CCDC178: variants seen among roughly 807,000 people sequenced by gnomAD.
The protein encoded by CCDC178 is coiled-coil domain containing 178.
Under a neutral mutation model 117.4 loss-of-function variants are expected in CCDC178, and 126 were observed. The observed-to-expected ratio is 1.07, with a 90% confidence interval of 0.93 to 1.24. The LOEUF is 1.24. CCDC178 is among the 50% of genes most tolerant of loss of function. CCDC178 has a pLI of 0.00. For missense variants in CCDC178, 1,030 were observed against 986.9 expected (o/e 1.04, Z -0.59); for synonymous variants, 283 against 313.4 (o/e 0.90, Z 1.02).
intron 20 of CCDC178, among the ~76,000 whole-genome samples, chr18:33,200,855 G>C (rs1425414357): frequency 6.6e-6 from 1 of 152,110 alleles, no homozygotes; most frequent in Non-Finnish European, 1.5e-5. Context: ...TTAAAAGCAG[G>C]TGTTGCCTTT....
intron 20 of CCDC178, among the ~76,000 whole-genome samples, chr18:33,107,163 T>C (rs562600506): frequency 2.0e-5 from 3 of 151,816 alleles, no homozygotes; most frequent in African/African-American, 7.2e-5. Context: ...TATAAATTCA[T>C]GCTGGTGTGT....
intron 2 of CCDC178, among the ~76,000 whole-genome samples, chr18:33,419,370 A>T (rs1488044901): frequency 2.0e-5 from 3 of 152,252 alleles, no homozygotes; most frequent in Non-Finnish European, 4.4e-5. Context: ...ACCATTCTGG[A>T]CATAGGCCCT....
chr18:33,170,914 G>GA (rs1057328164), intron 20 of CCDC178, among the ~76,000 whole-genome samples: 1 of 151,888 alleles, frequency 6.6e-6, no homozygotes, highest in Non-Finnish European at 1.5e-5. Flanking sequence ...TTATTTTCTA[G>GA]AAAAAAATAC....
intron 21 of CCDC178, among the ~76,000 whole-genome samples, chr18:33,027,799 C>A (rs1176951880): frequency 6.6e-6 from 1 of 151,488 alleles, no homozygotes; most frequent in Non-Finnish European, 1.5e-5. Context: ...GTTCTCTGAT[C>A]TCAGTGGAAT....
chr18:33,434,784 A>G (rs1300582977), intron 2 of CCDC178, among the ~76,000 whole-genome samples: 1 of 152,172 alleles, frequency 6.6e-6, no homozygotes, highest in African/African-American at 2.4e-5. Flanking sequence ...GATTCCCATC[A>G]TCATAAGATT....
At chr18:33,122,965 C>G (rs1433410929) in intron 20 of CCDC178, among the ~76,000 whole-genome samples, 1 of 152,088 alleles carries the variant, frequency 6.6e-6, no homozygotes, top group African/African-American at 2.4e-5. Context: ...ACAAGAAGCA[C>G]TAAGAACACA....
At chr18:33,266,876 G>A in intron 14 of CCDC178, 40 bp downstream of exon 14, 1 of 1,455,356 alleles carries the variant, frequency 6.9e-7, no homozygotes, top group South Asian at 1.3e-5. Flanking sequence ...TTAACATATT[G>A]GATTATGGTA....
intron 12 of CCDC178, among the ~76,000 whole-genome samples, chr18:33,290,951 A>T (rs1265845364): frequency 1.3e-5 from 2 of 152,168 alleles, no homozygotes; most frequent in African/African-American, 4.8e-5. Flanking sequence ...TTAATTTCTT[A>T]TTAATTATGC....
chr18:33,187,443 C>A (rs949370034), intron 20 of CCDC178, among the ~76,000 whole-genome samples: 2 of 152,080 alleles, frequency 1.3e-5, no homozygotes, highest in African/African-American at 4.8e-5. Flanking sequence ...TAATGTCAAT[C>A]CCCTTCAGAG....
At chr18:33,422,097 T>C (rs1443628725) in intron 2 of CCDC178, among the ~76,000 whole-genome samples, 1 of 152,230 alleles carries the variant, frequency 6.6e-6, no homozygotes, top group Non-Finnish European at 1.5e-5. Context: ...CTATTTGTGC[T>C]AGGGAGCTCA....
At chr18:33,402,432 T>C (rs2144865533) in intron 3 of CCDC178, among the ~76,000 whole-genome samples, 2 of 152,300 alleles carry the variant, frequency 1.3e-5, no homozygotes, top group East Asian at 3.9e-4. Flanking sequence ...GGTCCACATT[T>C]ACGATATCGG....
At chr18:33,417,354 T>C (rs2063958068) in intron 2 of CCDC178, among the ~76,000 whole-genome samples, 2 of 152,304 alleles carry the variant, frequency 1.3e-5, no homozygotes, top group Non-Finnish European at 2.9e-5. Context: ...GGATACATAT[T>C]GCATGATTCC....
chr18:32,958,251 T>C (rs1449697311), intron 22 of CCDC178: 5 of 513,370 alleles, frequency 9.7e-6, no homozygotes, highest in Admixed American at 3.4e-5. Flanking sequence ...TTAGTGATTA[T>C]ACTAAAATTA....
chr18:33,261,984 T>C (rs2059756377), intron 14 of CCDC178, among the ~76,000 whole-genome samples: 1 of 152,194 alleles, frequency 6.6e-6, no homozygotes, highest in Admixed American at 6.5e-5. Context: ...AGGTTTTCTC[T>C]TATATTTTCT....
chr18:33,249,075 G>A (rs2059585810), intron 14 of CCDC178, among the ~76,000 whole-genome samples: 1 of 152,128 alleles, frequency 6.6e-6, no homozygotes. Context: ...CTTTTGAGAA[G>A]TGTCTGTTCA....
chr18:33,272,736 T>C (rs1258843118), intron 12 of CCDC178, among the ~76,000 whole-genome samples: 1 of 151,600 alleles, frequency 6.6e-6, no homozygotes, highest in Non-Finnish European at 1.5e-5. Flanking sequence ...AGGTTGGTTC[T>C]ACATGTAAAA....
intron 20 of CCDC178, among the ~76,000 whole-genome samples, chr18:33,175,165 C>T (rs957744188): frequency 2.0e-5 from 3 of 151,926 alleles, no homozygotes; most frequent in Non-Finnish European, 2.9e-5. Context: ...CGTAAGCCAC[C>T]GCACCTGGCC....
chr18:33,029,242 A>C (rs1296436331), intron 21 of CCDC178, among the ~76,000 whole-genome samples: 1 of 151,950 alleles, frequency 6.6e-6, no homozygotes. Context: ...GAGTTTTGAT[A>C]GATTGTGTCT....
intron 22 of CCDC178, among the ~76,000 whole-genome samples, chr18:32,955,261 C>T (rs572585953): frequency 3.2e-4 from 48 of 152,294 alleles, no homozygotes; most frequent in African/African-American, 1.1e-3. Context: ...GCCACACAAC[C>T]ATCTGCAAGA....
Sources: allele counts gnomAD v4.1 joint callset (sites outside exome capture counted in the v4.1 genomes callset), GRCh38; gene constraint gnomAD v4.1.1; transcripts MANE v1.5; gene names NCBI Gene and HGNC (gene_info 2026-07-23, HGNC 2026-07-21).